The following SLC36A1 variants were observed in gnomAD, a reference collection of about 807,000 sequenced individuals.
The protein encoded by SLC36A1 is solute carrier family 36 member 1, also known as proton-coupled amino acid transporter 1.
A neutral mutation model predicts 47.5 loss-of-function variants in SLC36A1; 30 were observed. The ratio of observed to expected loss-of-function variants is 0.63; its 90% CI spans 0.47 to 0.86. SLC36A1 has a LOEUF of 0.86. Among genes scored for constraint, SLC36A1 ranks in the 40% least tolerant of loss-of-function variants. The pLI is 0.00. For synonymous variants in SLC36A1, 255 were observed against 249.7 expected (o/e 1.02, Z -0.20); for missense variants, 517 against 606.0 (o/e 0.85, Z 1.54).
the SLC36A1 span, among the ~76,000 whole-genome samples, chr5:151,399,084 A>ATATATATATATATATATATT: frequency 6.8e-4 from 41 of 60,034 alleles, no homozygotes; most frequent in Non-Finnish European, 1.0e-3. Flanking sequence ...ATATATATAT[A>ATATATATATATATATATATT]TTTTTTTTTT....
chr5:151,397,634 C>T, the SLC36A1 span, among the ~76,000 whole-genome samples: 1 of 152,008 alleles, frequency 6.6e-6, no homozygotes. Context: ...CATGGTGGTG[C>T]ATGCCTGTAG....
the SLC36A1 span, chr5:151,521,991 C>T: frequency 6.2e-7 from 1 of 1,614,162 alleles, no homozygotes; most frequent in Non-Finnish European, 8.5e-7. Flanking sequence ...TGAAGATCTC[C>T]AGTGGGAGAG....
At chr5:151,460,322 G>A (rs1755331491) in intron 2 of SLC36A1, among the ~76,000 whole-genome samples, 1 of 152,174 alleles carries the variant, frequency 6.6e-6, no homozygotes, top group Admixed American at 6.5e-5. Context: ...AGCAGATGAG[G>A]TCTGGATTTT....
the SLC36A1 span, among the ~76,000 whole-genome samples, chr5:151,513,058 G>A: frequency 2.0e-5 from 3 of 152,192 alleles, no homozygotes; most frequent in African/African-American, 7.2e-5. Context: ...CAAGGGCAAA[G>A]TATTTTTATA....
At chr5:151,383,630 T>C in the SLC36A1 span, among the ~76,000 whole-genome samples, 1 of 147,908 alleles carries the variant, frequency 6.8e-6, no homozygotes, top group African/African-American at 2.5e-5. Flanking sequence ...TGGAGTGCAG[T>C]GGCACCATCT....
At chr5:151,433,391 C>A (rs1417761850), upstream of SLC36A1, among the ~76,000 whole-genome samples, 1 of 140,536 alleles carries the variant, frequency 7.1e-6, no homozygotes, top group Non-Finnish European at 1.5e-5. Flanking sequence ...TCAAGAGATT[C>A]TCCTGCCTCA....
At chr5:151,521,313 G>A in the SLC36A1 span, 21 of 1,612,970 alleles carry the variant, frequency 1.3e-5, no homozygotes, top group Admixed American at 3.3e-5. Context: ...GGTGCCGCGG[G>A]GTTAGGATGC....
the SLC36A1 span, among the ~76,000 whole-genome samples, chr5:151,552,907 C>T: frequency 6.6e-6 from 1 of 152,324 alleles, no homozygotes; most frequent in East Asian, 1.9e-4. Context: ...TTTTAGGTCT[C>T]CTAGGCCCTT....
chr5:151,451,216 T>C (rs948053219), intron 1 of SLC36A1, among the ~76,000 whole-genome samples: 9 of 151,900 alleles, frequency 5.9e-5, no homozygotes, highest in Admixed American at 5.2e-4. Flanking sequence ...TTTATTTTAT[T>C]TTATTATTAT....
At chr5:151,398,127 A>G in the SLC36A1 span, among the ~76,000 whole-genome samples, 2 of 152,164 alleles carry the variant, frequency 1.3e-5, no homozygotes, top group South Asian at 2.1e-4. Flanking sequence ...AAAAGAAAAA[A>G]TTATACATGG....
the SLC36A1 span, among the ~76,000 whole-genome samples, chr5:151,548,005 T>C: frequency 1.3e-5 from 2 of 152,220 alleles, no homozygotes; most frequent in Non-Finnish European, 2.9e-5. Flanking sequence ...AGTCATTATC[T>C]CCATCAATGA....
At chr5:151,474,940 T>A (rs1006426818) in intron 8 of SLC36A1, among the ~76,000 whole-genome samples, 1 of 152,240 alleles carries the variant, frequency 6.6e-6, no homozygotes, top group African/African-American at 2.4e-5. Flanking sequence ...TACACATTTT[T>A]TGTCAAAATC....
chr5:151,377,582 C>T, the SLC36A1 span, among the ~76,000 whole-genome samples: 13 of 151,364 alleles, frequency 8.6e-5, no homozygotes, highest in Non-Finnish European at 1.6e-4. Flanking sequence ...CTCCTGACCT[C>T]GTGATCCGCC....
chr5:151,529,247 G>C, the SLC36A1 span: 3 of 1,614,102 alleles, frequency 1.9e-6, no homozygotes, highest in Non-Finnish European at 2.5e-6. Context: ...GGGGGAATTG[G>C]GGCCGGTGTT....
the SLC36A1 span, among the ~76,000 whole-genome samples, chr5:151,521,017 T>C: frequency 1.3e-5 from 2 of 152,388 alleles, no homozygotes; most frequent in African/African-American, 4.8e-5. Flanking sequence ...CCACAGCCTA[T>C]GCTCTTAGCC....
chr5:151,376,568 G>C, the SLC36A1 span, among the ~76,000 whole-genome samples: 2 of 152,062 alleles, frequency 1.3e-5, no homozygotes, highest in South Asian at 4.1e-4. Context: ...CTCTATAAAC[G>C]TCCCTCTTAG....
chr5:151,488,300 C>T lies in SLC36A1; in HGVS notation c.*46C>T. On this transcript the variant is annotated 3_prime_UTR_variant, in exon 11 of 11. Transcript: ENST00000243389. ...AGCTGCCTACCCCTGCCCCATGTGT[C>T]CCCCGTTACCTGTCCTCAGAGCCTC... 1 of 1,592,928 alleles carries T rather than the reference C, an allele frequency of 6.3e-7. No individual in the cohort carries two copies. Among genetic ancestry groups the T allele is most frequent in the Non-Finnish European group, 8.6e-7 (1 of 1,167,858 alleles).
chr5:151,371,094 G>A, the SLC36A1 span, among the ~76,000 whole-genome samples: 1 of 152,058 alleles, frequency 6.6e-6, no homozygotes, highest in Non-Finnish European at 1.5e-5. Flanking sequence ...GACGTCAGTA[G>A]CACACCTCCC....
chr5:151,505,847 G>A, the SLC36A1 span: 1 of 1,611,064 alleles, frequency 6.2e-7, no homozygotes, highest in Non-Finnish European at 8.5e-7. Context: ...GGGGACTAGG[G>A]GGCCGAGAGG....
Sources: gnomAD v4.1 joint callset for allele counts (sites outside exome capture counted in the v4.1 genomes callset) on GRCh38, gnomAD v4.1.1 for gene constraint, MANE v1.5 for transcripts, NCBI Gene and HGNC (gene_info 2026-07-23, HGNC 2026-07-21) for gene names.